Variants in EFNA5 observed in about 807,000 individuals in gnomAD.
The protein encoded by EFNA5 is ephrin-A5.
Under a neutral mutation model 22.9 loss-of-function variants are expected in EFNA5, and 5 were observed. The observed-to-expected ratio is 0.22, with a 90% CI of 0.11 to 0.46. EFNA5 has a LOEUF of 0.46. Among genes scored for constraint, EFNA5 ranks in the 20% least tolerant of loss-of-function variants. The pLI is 0.99. For synonymous variants in EFNA5, 113 were observed against 112.2 expected (o/e 1.01, Z -0.04); for missense variants, 237 against 293.3 (o/e 0.81, Z 1.40).
intron 1 of EFNA5, among the ~76,000 whole-genome samples, chr5:107,619,001 A>C (rs1213454924): frequency 1.3e-5 from 2 of 151,718 alleles, no homozygotes; most frequent in African/African-American, 4.8e-5. Context: ...AGCTCACTGC[A>C]AGCTCTGCCT....
At chr5:107,432,335 A>T (rs1748984882) in intron 1 of EFNA5, among the ~76,000 whole-genome samples, 1 of 152,226 alleles carries the variant, frequency 6.6e-6, no homozygotes, top group South Asian at 2.1e-4. Flanking sequence ...ATCTAGGAAG[A>T]CTGATTCTGC....
At chr5:107,558,167 C>A (rs2112474730) in intron 1 of EFNA5, among the ~76,000 whole-genome samples, 1 of 152,120 alleles carries the variant, frequency 6.6e-6, no homozygotes, top group East Asian at 1.9e-4. Context: ...ACAAGACTTG[C>A]CCAAGCTTAC....
intron 1 of EFNA5, among the ~76,000 whole-genome samples, chr5:107,592,917 C>A (rs183223570): frequency 6.6e-6 from 1 of 152,274 alleles, no homozygotes; most frequent in East Asian, 1.9e-4. Flanking sequence ...AAAAGCCAAG[C>A]TTCTTTTGAC....
intron 1 of EFNA5, among the ~76,000 whole-genome samples, chr5:107,646,344 T>C (rs73781152): frequency 0.03 from 4,560 of 152,242 alleles, 223 homozygotes; most frequent in African/African-American, 0.1. Flanking sequence ...GTACATCTTA[T>C]ATACAAAATA....
chr5:107,449,876 A>AT (rs1429490210), intron 1 of EFNA5, among the ~76,000 whole-genome samples: 14 of 152,188 alleles, frequency 9.2e-5, no homozygotes, highest in Admixed American at 9.2e-4. Flanking sequence ...TGCAGGGAAA[A>AT]TTTAAGATTT....
At chr5:107,532,505 T>A (rs1747833541) in intron 1 of EFNA5, among the ~76,000 whole-genome samples, 1 of 152,200 alleles carries the variant, frequency 6.6e-6, no homozygotes, top group South Asian at 2.1e-4. Flanking sequence ...AAATGAGTAG[T>A]GGCAAGACAG....
chr5:107,456,758 C>T (rs186898227), intron 1 of EFNA5, among the ~76,000 whole-genome samples: 2 of 152,202 alleles, frequency 1.3e-5, no homozygotes, highest in Admixed American at 6.5e-5. Flanking sequence ...CAGATGAGCT[C>T]TCTGGTCTAG....
At chr5:107,393,927 T>A (rs1175137012) in intron 2 of EFNA5, among the ~76,000 whole-genome samples, 3 of 152,132 alleles carry the variant, frequency 2.0e-5, no homozygotes, top group Non-Finnish European at 2.9e-5. Context: ...GGGAACAGAA[T>A]AGAGATTAAT....
chr5:107,569,976 A>AG (rs546036180), intron 1 of EFNA5, among the ~76,000 whole-genome samples: 110 of 152,274 alleles, frequency 7.2e-4, no homozygotes, highest in African/African-American at 2.5e-3. Context: ...GATCACTGAC[A>AG]GGGAAAAAAA....
chr5:107,544,173 G>C (rs540168526), intron 1 of EFNA5, among the ~76,000 whole-genome samples: 2 of 152,172 alleles, frequency 1.3e-5, no homozygotes, highest in Non-Finnish European at 2.9e-5. Flanking sequence ...AGATCATTTA[G>C]GAAACAGAGA....
intron 1 of EFNA5, among the ~76,000 whole-genome samples, chr5:107,585,725 A>G (rs1749174155): frequency 6.9e-6 from 1 of 144,984 alleles, no homozygotes; most frequent in Non-Finnish European, 1.5e-5. Context: ...GTCAATCCCC[A>G]AATATGGAAA....
chr5:107,482,133 AACCCTTAC>A (rs1681814638), intron 1 of EFNA5, among the ~76,000 whole-genome samples: 1 of 151,988 alleles, frequency 6.6e-6, no homozygotes, highest in Non-Finnish European at 1.5e-5. Flanking sequence ...AACATAGGGA[AACCCTTAC>A]TAAAAATACA....
At chr5:107,490,898 A>G (rs1488759300) in intron 1 of EFNA5, among the ~76,000 whole-genome samples, 1 of 152,200 alleles carries the variant, frequency 6.6e-6, no homozygotes, top group Non-Finnish European at 1.5e-5. Context: ...TCTTGCAGAG[A>G]TCCTGCTCAT....
intron 1 of EFNA5, among the ~76,000 whole-genome samples, chr5:107,467,102 T>TA (rs1750007918): frequency 6.6e-6 from 1 of 152,014 alleles, no homozygotes; most frequent in Admixed American, 6.6e-5. Flanking sequence ...AAAATCGAAA[T>TA]AAAAATCTAA....
At position 107,377,226 on chromosome 5, in the gene EFNA5, G is replaced by A. The variant is rs562968121; in HGVS notation, c.*4029C>T. ...CCGACATGCCAGCATCTATTAAACT[G>A]TACAGACAATGGGAGCAAGCCCATT... On this transcript the variant is annotated 3_prime_UTR_variant, in exon 5 of 5. Coordinates refer to ENST00000333274, the MANE Select transcript of EFNA5 (RefSeq NM_001962.3). 6.6e-6 allele frequency: 1 copy of A among 152,198 alleles called. No homozygotes were observed. The highest frequency in any genetic ancestry group is 2.4e-5 in the African/African-American group (1 of 41,524). The allele number at this position is 152,198 out of a possible 1,614,324, so 9.4% of individuals were successfully genotyped here. A position where few individuals can be genotyped will look rare whatever the true frequency, so the allele number is the denominator to read the frequency against.
chr5:107,461,487 G>C (rs541739667), intron 1 of EFNA5, among the ~76,000 whole-genome samples: 1 of 152,022 alleles, frequency 6.6e-6, no homozygotes, highest in East Asian at 1.9e-4. Context: ...TAAATATAGA[G>C]GGGGGAAAAA....
At chr5:107,668,383 A>G (rs1023725950) in intron 1 of EFNA5, among the ~76,000 whole-genome samples, 1 of 152,200 alleles carries the variant, frequency 6.6e-6, no homozygotes, top group Non-Finnish European at 1.5e-5. Flanking sequence ...ACAAAAATCA[A>G]TGTGCTAATC....
chr5:107,663,253 C>T (rs1298702931), intron 1 of EFNA5, among the ~76,000 whole-genome samples: 1 of 151,984 alleles, frequency 6.6e-6, no homozygotes, highest in Non-Finnish European at 1.5e-5. Flanking sequence ...TAACTGAAAG[C>T]CAAAAAACAA....
chr5:107,494,107 C>T (rs572584335), intron 1 of EFNA5, among the ~76,000 whole-genome samples: 2 of 152,236 alleles, frequency 1.3e-5, no homozygotes, highest in African/African-American at 4.8e-5. Flanking sequence ...AGCCTTCGCT[C>T]GCTCTGGGTG....
Sources: allele counts gnomAD v4.1 joint callset (sites outside exome capture counted in the v4.1 genomes callset), GRCh38; gene constraint gnomAD v4.1.1; transcripts MANE v1.5; gene names NCBI Gene and HGNC (gene_info 2026-07-23, HGNC 2026-07-21).